The following CASZ1 variants were observed in gnomAD, a reference collection of about 807,000 sequenced individuals.
CASZ1 encodes zinc finger protein castor homolog 1.
Under a neutral mutation model 135.2 loss-of-function variants are expected in CASZ1, and 28 were observed. The observed-to-expected ratio is 0.21, with a 90% CI of 0.15 to 0.28. The LOEUF is 0.28. CASZ1 is among the 10% of genes least tolerant of loss of function. The pLI is 1.00. For missense variants in CASZ1, 2,161 were observed against 2,453.3 expected (o/e 0.88, Z 2.52); for synonymous variants, 1,068 against 1,073.4 (o/e 0.99, Z 0.10).
At chr1:10,690,201 C>T (rs768242536) in intron 4 of CASZ1, among the ~76,000 whole-genome samples, 1 of 152,202 alleles carries the variant, frequency 6.6e-6, no homozygotes, top group Non-Finnish European at 1.5e-5. Context: ...CCTGGCAGGT[C>T]GAAGGTGTAA....
Position 10,650,795 on chromosome 1 carries a change from G to A in CASZ1, c.2817-40C>T, listed in dbSNP as rs750959852. The A allele has an allele frequency of 7.4e-6, 11 of 1,486,654 alleles. 1 individual carries two copies. The East Asian group carries it at 9.1e-5, about 12-fold the overall frequency. 92.1% of individuals were successfully genotyped at this position (1,486,654 alleles called of 1,614,324 possible). A position where few individuals can be genotyped will look rare whatever the true frequency, so the allele number is the denominator to read the frequency against. ...CCAAGGGACTTGAGCTCAGACGGCC[G>A]GGGCCTGGGCCCTGGGGCTCACCTT... On this transcript the variant is annotated intron_variant, in intron 12 of 20. Coordinates refer to ENST00000377022, the MANE Select transcript of CASZ1 (RefSeq NM_001079843.3).
chr1:10,723,582 T>A (rs1202402011), intron 2 of CASZ1, among the ~76,000 whole-genome samples: 1 of 152,184 alleles, frequency 6.6e-6, no homozygotes, highest in Non-Finnish European at 1.5e-5. Flanking sequence ...TGGGTGGGGT[T>A]AGGCCAGCTT....
In CASZ1 at chr1:10,660,401, G is replaced by T. The variant is rs1642979523; in HGVS notation, c.641C>A (p.Thr214Asn). The change falls in exon 6 of 21, where the codon ACC (threonine) becomes AAC (asparagine). Residue 214 changes from threonine (T) to asparagine (N), a missense_variant. By Grantham distance (65) the Thr-to-Asn change is moderately conservative. Around this residue, in one of 7 missense-constraint regions of CASZ1, gnomAD observed 590 missense variants for 609.8 expected, o/e 0.97. Transcript: ENST00000377022. ...CATGGAGGAGGTGGCTGCCTCCGGG[G>T]TGGAGCCCGCGTGCAGCTTCTCAAA... Reference protein sequence around the residue: ...ISFEKLHAGSTPEAATSSMLP... With the variant: ...ISFEKLHAGSNPEAATSSMLP... The T allele has an allele frequency of 6.2e-7, 1 of 1,614,200 alleles. No homozygotes were observed. Among genetic ancestry groups the T allele is most frequent in the Non-Finnish European group, 8.5e-7 (1 of 1,180,024 alleles).
intron 2 of CASZ1, among the ~76,000 whole-genome samples, chr1:10,708,966 CGGGGA>C (rs150448352): frequency 0.42 from 11,013 of 26,510 alleles, 972 homozygotes; most frequent in East Asian, 0.52. Flanking sequence ...GGATGGAGGA[CGGGGA>C]GGGGGGGGGC....
chr1:10,669,441 A>G (rs1643338849), intron 4 of CASZ1, among the ~76,000 whole-genome samples: 1 of 152,200 alleles, frequency 6.6e-6, no homozygotes, highest in Admixed American at 6.5e-5. Context: ...ATTTACTGAT[A>G]TTTATAAATA....
In CASZ1 at chr1:10,701,470, G is replaced by A. The variant is rs2100432679; in HGVS notation, c.-24+4022C>T. Among the ~76,000 whole-genome samples the A allele has an allele frequency of 6.6e-6, 1 of 152,294 alleles. No homozygotes were observed. The highest frequency in any genetic ancestry group is 2.4e-5 in the African/African-American group (1 of 41,554). ...CAAAATCCTTGGGAGAGGATGGGAAGGACTTAGGTCCAGCCCCCTCTCGCC... is the reference window on the plus strand; with the variant it reads ...CAAAATCCTTGGGAGAGGATGGGAAAGACTTAGGTCCAGCCCCCTCTCGCC... On this transcript the variant is annotated intron_variant, in intron 3 of 20. Coordinates refer to ENST00000377022, the MANE Select transcript of CASZ1 (RefSeq NM_001079843.3). The surrounding 1 kb of genome is among the most constrained non-coding windows in gnomAD (Gnocchi z 6.3).
intron 4 of CASZ1, among the ~76,000 whole-genome samples, chr1:10,671,986 A>G (rs2100322250): frequency 6.6e-6 from 1 of 152,274 alleles, no homozygotes; most frequent in Non-Finnish European, 1.5e-5. Context: ...GTGCCATGCC[A>G]GAGACCGGAG....
At chr1:10,782,589 G>A (rs1640781923) in intron 1 of CASZ1, among the ~76,000 whole-genome samples, 1 of 152,232 alleles carries the variant, frequency 6.6e-6, no homozygotes, top group African/African-American at 2.4e-5. Context: ...CAGGGTGGGG[G>A]CCGGGTGGGT....
rs1638340461 is a variant in CASZ1, at chr1:10,679,374, G to A, written c.17-13803C>T. 6.6e-6 allele frequency among the ~76,000 whole-genome samples: 1 copy of A among 152,082 alleles called. No individual in the cohort carries two copies. Among genetic ancestry groups the A allele is most frequent in the African/African-American group, 2.4e-5 (1 of 41,388 alleles). Reference sequence around the variant, plus strand: ...GAAACACTCCCAACCCCGGACTTAGGCCCCTGTCAGAATAGACCCCTGGAG... The same window carrying A: ...GAAACACTCCCAACCCCGGACTTAGACCCCTGTCAGAATAGACCCCTGGAG... On this transcript the variant is annotated intron_variant, in intron 4 of 20. Coordinates refer to ENST00000377022, the MANE Select transcript of CASZ1 (RefSeq NM_001079843.3). The surrounding 1 kb of genome is among the most constrained non-coding windows in gnomAD (Gnocchi z 4.7).
At chr1:10,650,810 G>A (rs1642547372) in intron 12 of CASZ1, 55 bp from the exon 13 acceptor site, 3 of 1,603,612 alleles carry the variant, frequency 1.9e-6, no homozygotes, top group Non-Finnish European at 2.6e-6. Context: ...CTGGGCCCTG[G>A]GGCTCACCTT....
In CASZ1 at chr1:10,721,963, C is replaced by A. The variant is rs1639504770; in HGVS notation, c.-76-16419G>T. Among the ~76,000 whole-genome samples the A allele has an allele frequency of 6.6e-6, 1 of 152,238 alleles. No individual in the cohort carries two copies. The highest frequency in any genetic ancestry group is 2.4e-5 in the African/African-American group (1 of 41,466). On this transcript the variant is annotated intron_variant, in intron 2 of 20. Transcript: ENST00000377022. This position sits in a 1 kb window ranked among gnomAD's most constrained non-coding sequence, Gnocchi z 5.4. The stretch of plus-strand genomic sequence containing the variant: ...GTGTTTCTCCTGCTGTATCTTTTAC[C>A]TTGAGCACCTGTTGACAGAGGCCAC...
At position 10,639,085 on chromosome 1, in the gene CASZ1, C is replaced by T. The variant is rs771135657; in HGVS notation, c.5137G>A (p.Glu1713Lys). 9 of 1,049,842 alleles carry T rather than the reference C, an allele frequency of 8.6e-6. No individual in the cohort carries two copies. In the South Asian group the frequency reaches 1.0e-4, roughly 12 times the overall value. The allele number at this position is 1,049,842 out of a possible 1,614,324, so 65.0% of individuals were successfully genotyped here. A position where few individuals can be genotyped will look rare whatever the true frequency, so the allele number is the denominator to read the frequency against. ...TCCTCCGAGTCGGTGCGCAGGTCCT[C>T]GTCGTCGTCGTCCTCGTCGTCGTCC... Reference protein sequence around the residue: ...DEDDDEDDDDEDLRTDSEESL... With the variant: ...DEDDDEDDDDKDLRTDSEESL... Residue 1713 changes from glutamate (E) to lysine (K), a missense_variant, in exon 21 of 21, where the codon GAG (glutamate) becomes AAG (lysine). Transcript: ENST00000377022. The surrounding 1 kb of genome is among the most constrained non-coding windows in gnomAD (Gnocchi z 4.0).
chr1:10,685,598 G>T (rs974287948), intron 4 of CASZ1, among the ~76,000 whole-genome samples: 2 of 152,324 alleles, frequency 1.3e-5, no homozygotes, highest in East Asian at 3.9e-4. Context: ...GAGAAGGGAG[G>T]CTCCTCCCCA....
chr1:10,766,301 C>T (rs752754950), intron 1 of CASZ1, among the ~76,000 whole-genome samples: 1 of 152,204 alleles, frequency 6.6e-6, no homozygotes, highest in Non-Finnish European at 1.5e-5. Context: ...AACCAGACTG[C>T]CCAGGTAGGA....
intron 2 of CASZ1, among the ~76,000 whole-genome samples, chr1:10,729,704 G>A (rs1180851466): frequency 1.3e-5 from 2 of 152,264 alleles, no homozygotes; most frequent in African/African-American, 2.4e-5. Flanking sequence ...CAAAGGCAGC[G>A]GGTGAGCGGA....
At chr1:10,728,054 G>A (rs547042414) in intron 2 of CASZ1, among the ~76,000 whole-genome samples, 2 of 152,358 alleles carry the variant, frequency 1.3e-5, no homozygotes, top group East Asian at 1.9e-4. Context: ...AACACATCGC[G>A]GTGGTAGGTC....
intron 1 of CASZ1, among the ~76,000 whole-genome samples, chr1:10,768,094 T>C (rs1640510187): frequency 6.6e-6 from 1 of 152,218 alleles, no homozygotes; most frequent in Non-Finnish European, 1.5e-5. Context: ...GGCCAGCCTC[T>C]ACCATGGTGC....
At chr1:10,686,923 G>A (rs865791595) in intron 4 of CASZ1, among the ~76,000 whole-genome samples, 24 of 152,304 alleles carry the variant, frequency 1.6e-4, no homozygotes, top group African/African-American at 5.1e-4. Context: ...GTGGAGAGCC[G>A]GGTCATCCTT....
intron 1 of CASZ1, among the ~76,000 whole-genome samples, chr1:10,781,504 T>C (rs2100612978): frequency 6.6e-6 from 1 of 152,338 alleles, no homozygotes; most frequent in South Asian, 2.1e-4. Flanking sequence ...AGCTCAGCCC[T>C]GGGCATTGCA....
Sources: gnomAD v4.1 joint callset for allele counts (sites outside exome capture counted in the v4.1 genomes callset) on GRCh38, gnomAD v4.1.1 for gene constraint, gnomAD v4.1.1 regional missense constraint, Gnocchi (gnomAD v3.1) non-coding constraint, MANE v1.5 for transcripts, NCBI Gene and HGNC (gene_info 2026-07-23, HGNC 2026-07-21) for gene names.